The following ZPBP variants were observed in gnomAD, a reference collection of about 807,000 sequenced individuals.
ZPBP encodes zona pellucida binding protein.
A neutral mutation model predicts 44.8 loss-of-function variants in ZPBP; 26 were observed. The ratio of observed to expected loss-of-function variants is 0.58; its 90% CI spans 0.43 to 0.81. The LOEUF (loss-of-function observed/expected upper bound fraction) is 0.81. ZPBP is among the 30% of genes least tolerant of loss of function. The pLI is 0.00. For missense variants in ZPBP, 409 were observed against 434.0 expected (o/e 0.94, Z 0.51); for synonymous variants, 174 against 153.2 (o/e 1.14, Z -1.00).
At chr7:49,849,051 T>C (rs756371459), downstream of ZPBP, among the ~76,000 whole-genome samples, 1 of 152,232 alleles carries the variant, frequency 6.6e-6, no homozygotes, top group African/African-American at 2.4e-5. Context: ...GCTTCATGTA[T>C]GACAAATGTG....
intron 1 of ZPBP, among the ~76,000 whole-genome samples, chr7:50,092,222 A>G (rs1033942032): frequency 2.0e-5 from 3 of 152,186 alleles, no homozygotes; most frequent in Non-Finnish European, 2.9e-5. Context: ...TTTCTCCTAC[A>G]TGGCAATTGA....
intron 3 of ZPBP, among the ~76,000 whole-genome samples, chr7:50,079,454 T>C (rs1400930857): frequency 6.6e-6 from 1 of 151,532 alleles, no homozygotes. Flanking sequence ...GAAACTGAAA[T>C]ATGTGGAATC....
rs771304485 is a variant in ZPBP at position 50,031,080 on chromosome 7, G to A, written c.706+12C>T. ...TCTCCATTTGCTTTTCTAACAAATT[G>A]TATAGACTTACCTGAAAATGCAAAG... On this transcript the variant is annotated intron_variant, in intron 5 of 7. Transcript: ENST00000046087. 94 of 1,611,336 alleles carry A rather than the reference G, an allele frequency of 5.8e-5. No individual in the cohort carries two copies. The highest frequency in any genetic ancestry group is 7.6e-5 in the Non-Finnish European group (89 of 1,178,418).
chr7:50,037,594 T>A (rs894657140), intron 4 of ZPBP, among the ~76,000 whole-genome samples: 15 of 152,114 alleles, frequency 9.9e-5, no homozygotes, highest in Admixed American at 7.9e-4. Context: ...CCAGATCTCA[T>A]GAGAACTCAC....
At chr7:49,933,905 G>T (rs1297815882), downstream of ZPBP, among the ~76,000 whole-genome samples, 36 of 145,672 alleles carry the variant, frequency 2.5e-4, no homozygotes, top group Middle Eastern at 3.4e-3. Context: ...CCTGTTGTGG[G>T]CTGGGGGGAG....
Position 50,073,257 on chromosome 7 carries a change from C to T in ZPBP, c.334+8517G>A, listed in dbSNP as rs1245382359. 2.6e-5 allele frequency among the ~76,000 whole-genome samples: 4 copies of T among 151,884 alleles called. No homozygotes were observed. The East Asian group carries it at 5.8e-4, about 22-fold the overall frequency. ...AATCCTGGAGCTGAAAATGCAATGG[C>T]ATGCTGAAGAATGCATCAGAGTCCT... On this transcript the variant is annotated intron_variant, in intron 3 of 7. Transcript: ENST00000046087.
chr7:49,873,195 A>C (rs1182440737), intron 2 of ZPBP, among the ~76,000 whole-genome samples: 2 of 152,190 alleles, frequency 1.3e-5, no homozygotes, highest in Non-Finnish European at 2.9e-5. Context: ...GCTATAACAA[A>C]ATACATGAAC....
At chr7:49,969,173 T>C (rs1237266623) in intron 7 of ZPBP, among the ~76,000 whole-genome samples, 1 of 149,172 alleles carries the variant, frequency 6.7e-6, no homozygotes, top group Non-Finnish European at 1.5e-5. Flanking sequence ...TATACATACA[T>C]ATATAATACA....
At chr7:50,045,453 C>A (rs1255553580) in intron 4 of ZPBP, among the ~76,000 whole-genome samples, 1 of 152,174 alleles carries the variant, frequency 6.6e-6, no homozygotes, top group Admixed American at 6.5e-5. Context: ...TCAGCAAAGT[C>A]TCAAGATACA....
At chr7:49,870,290 C>T (rs1174682093) in intron 2 of ZPBP, among the ~76,000 whole-genome samples, 1 of 152,176 alleles carries the variant, frequency 6.6e-6, no homozygotes, top group Non-Finnish European at 1.5e-5. Context: ...GTCCCAGCTA[C>T]TCGGGAGGCT....
chr7:50,060,200 T>TG (rs1303600459), intron 3 of ZPBP, among the ~76,000 whole-genome samples: 1 of 150,854 alleles, frequency 6.6e-6, no homozygotes, highest in African/African-American at 2.5e-5. Flanking sequence ...GAGAGATTCT[T>TG]GGAGTGTTGG....
intron 2 of ZPBP, among the ~76,000 whole-genome samples, chr7:49,860,274 C>T (rs1169458017): frequency 6.6e-6 from 1 of 152,176 alleles, no homozygotes; most frequent in African/African-American, 2.4e-5. Flanking sequence ...ACGTCAGGCT[C>T]ATGGTAAATT....
chr7:49,981,460 AAT>A lies in ZPBP; in HGVS notation c.961+1880_961+1881del, dbSNP rs1412483516. ...ATAATATATATTATGTACATATAATAATATATATAATTATATATAATATATAT... is the reference window on the plus strand; with the variant it reads ...ATAATATATATTATGTACATATAATAATATATAATTATATATAATATATAT... On this transcript the variant is annotated intron_variant, in intron 7 of 7. Coordinates refer to ENST00000046087, the MANE Select transcript of ZPBP (RefSeq NM_007009.3). 6.1e-5 allele frequency among the ~76,000 whole-genome samples: 4 copies of A among 65,504 alleles called. 1 individual carries two copies. The highest frequency in any genetic ancestry group is 1.0e-4 in the Non-Finnish European group (4 of 38,860). 43.0% of individuals were successfully genotyped at this position (65,504 alleles called of 152,430 possible). A position where few individuals can be genotyped will look rare whatever the true frequency, so the allele number is the denominator to read the frequency against.
At chr7:50,087,328 G>A (rs1255431964) in intron 2 of ZPBP, among the ~76,000 whole-genome samples, 1 of 151,898 alleles carries the variant, frequency 6.6e-6, no homozygotes. Flanking sequence ...ATAATCAACT[G>A]GAATTTATCC....
intron 2 of ZPBP, among the ~76,000 whole-genome samples, chr7:49,863,526 G>T (rs1273067628): frequency 1.3e-5 from 2 of 152,014 alleles, no homozygotes; most frequent in Non-Finnish European, 2.9e-5. Context: ...CCACCTCCTG[G>T]GCTCAAGCGA....
chr7:49,861,454 C>G (rs1165194532), intron 2 of ZPBP, among the ~76,000 whole-genome samples: 1 of 152,110 alleles, frequency 6.6e-6, no homozygotes, highest in Non-Finnish European at 1.5e-5. Flanking sequence ...TTTTCACTGT[C>G]TTGATAAAAT....
At chr7:49,955,686 T>C (rs1414670932) in intron 7 of ZPBP, among the ~76,000 whole-genome samples, 1 of 152,094 alleles carries the variant, frequency 6.6e-6, no homozygotes, top group African/African-American at 2.4e-5. Flanking sequence ...ATAAACAAAA[T>C]GCTGGCTCTT....
At chr7:49,875,561 G>A (rs555626918) in intron 2 of ZPBP, among the ~76,000 whole-genome samples, 5 of 151,874 alleles carry the variant, frequency 3.3e-5, no homozygotes, top group Non-Finnish European at 5.9e-5. Context: ...TGATTGATAA[G>A]TGAAAGGTGG....
chr7:49,934,288 G>A (rs77134035), downstream of ZPBP, among the ~76,000 whole-genome samples: 775 of 152,250 alleles, frequency 5.1e-3, 18 homozygotes, highest in East Asian at 0.064. Context: ...CAAACTTGGT[G>A]CTTTTTTAGG....
Sources: allele counts gnomAD v4.1 joint callset (sites outside exome capture counted in the v4.1 genomes callset), GRCh38; gene constraint gnomAD v4.1.1; transcripts MANE v1.5; gene names NCBI Gene and HGNC (gene_info 2026-07-23, HGNC 2026-07-21).